Variants in SLC4A1AP observed in about 807,000 individuals in gnomAD.
SLC4A1AP encodes the protein kanadaptin.
SLC4A1AP carries 64 observed loss-of-function variants against 89.7 expected under a neutral mutation model. The observed-to-expected ratio is 0.71, with a 90% CI of 0.58 to 0.88. SLC4A1AP has a LOEUF of 0.88. Among genes scored for constraint, SLC4A1AP ranks in the 40% least tolerant of loss-of-function variants. SLC4A1AP has a pLI of 0.00. For synonymous variants in SLC4A1AP, 366 were observed against 353.3 expected (o/e 1.04, Z -0.40); for missense variants, 931 against 965.0 (o/e 0.96, Z 0.47).
intron 4 of SLC4A1AP, 38 bp from the exon 5 acceptor site, chr2:27,669,210 C>G (rs1675381502): frequency 1.3e-6 from 2 of 1,568,032 alleles, no homozygotes; most frequent in African/African-American, 1.4e-5. Flanking sequence ...AGAATTGGAG[C>G]TTAATGCTGT....
In SLC4A1AP at chr2:27,693,869, G is replaced by A. The variant is rs1675830471; in HGVS notation, c.2341+115G>A. On this transcript the variant is annotated intron_variant, in intron 13 of 13. Transcript: ENST00000613058. ...TTACAAGAGTATGTAGTGATAATTT[G>A]TATACCATGTTTGGATCCTTATTCA... 3 of 676,984 alleles carry A rather than the reference G, an allele frequency of 4.4e-6. No individual in the cohort carries two copies. The East Asian group carries it at 9.3e-5, about 21-fold the overall frequency. The allele number at this position is 676,984 out of a possible 1,614,324, so 41.9% of individuals were successfully genotyped here. A position where few individuals can be genotyped will look rare whatever the true frequency, so the allele number is the denominator to read the frequency against.
At chr2:27,688,642 C>A in intron 11 of SLC4A1AP, 58 bp from the exon 12 acceptor site, 1 of 1,170,412 alleles carries the variant, frequency 8.5e-7, no homozygotes, top group Non-Finnish European at 1.2e-6. Context: ...AAGAATTTTG[C>A]CTTTTTATTT....
intron 9 of SLC4A1AP, 70 bp from the exon 10 acceptor site, chr2:27,684,964 ACCT>A: frequency 6.7e-7 from 1 of 1,495,394 alleles, no homozygotes; most frequent in South Asian, 1.4e-5. Flanking sequence ...ATTTAGACTG[ACCT>A]CCTTGAAAAG....
At chr2:27,694,295 C>G (rs1322076422) in intron 13 of SLC4A1AP, among the ~76,000 whole-genome samples, 1 of 152,098 alleles carries the variant, frequency 6.6e-6, no homozygotes, top group Non-Finnish European at 1.5e-5. Context: ...AAATTGCATT[C>G]TATAGAGATT....
chr2:27,676,395 C>A (rs1476108765), intron 6 of SLC4A1AP, among the ~76,000 whole-genome samples: 3 of 152,202 alleles, frequency 2.0e-5, no homozygotes, highest in African/African-American at 7.2e-5. Flanking sequence ...CAACATCTAT[C>A]CTTTTGATTT....
exon 13 of SLC4A1AP, chr2:27,693,722 A>G: frequency 2.5e-6 from 4 of 1,612,484 alleles, no homozygotes; most frequent in Non-Finnish European, 3.4e-6. Context: ...CCTGAAGATG[A>G]CCCAGACTAC....
intron 2 of SLC4A1AP, 21 bp downstream of exon 2, chr2:27,665,316 C>A: frequency 6.4e-7 from 1 of 1,566,276 alleles, no homozygotes; most frequent in Non-Finnish European, 8.6e-7. Flanking sequence ...AAAATTGCTG[C>A]CGGAGGTTAA....
intron 10 of SLC4A1AP, among the ~76,000 whole-genome samples, 187 bp from the exon 11 acceptor site, chr2:27,687,747 A>G (rs77817956): frequency 1.2e-3 from 176 of 152,288 alleles, no homozygotes; most frequent in African/African-American, 4.0e-3. Context: ...TTAAGTGGAA[A>G]ATTGGCAGTT....
intron 5 of SLC4A1AP, among the ~76,000 whole-genome samples, chr2:27,669,717 G>A (rs1558505756): frequency 6.6e-6 from 1 of 152,192 alleles, no homozygotes; most frequent in African/African-American, 2.4e-5. Context: ...TTGAGATGGA[G>A]TCTCACTCTG....
At chr2:27,673,723 A>T (rs1410479983) in intron 5 of SLC4A1AP, among the ~76,000 whole-genome samples, 3 of 152,028 alleles carry the variant, frequency 2.0e-5, no homozygotes, top group African/African-American at 7.2e-5. Flanking sequence ...GGATTTAGGG[A>T]AAGAGGGAAA....
intron 5 of SLC4A1AP, among the ~76,000 whole-genome samples, chr2:27,673,434 CCCTCCCTCCCTTCCTT>C (rs1675462614): frequency 1.0e-5 from 1 of 97,882 alleles, no homozygotes; most frequent in African/African-American, 4.1e-5. Flanking sequence ...CTCCCTCCCT[CCCTCCCTCCCTTCCTT>C]CCTTCCTTCC....
intron 9 of SLC4A1AP, 134 bp downstream of exon 9, chr2:27,682,493 C>A: frequency 5.9e-6 from 3 of 512,030 alleles, no homozygotes; most frequent in Non-Finnish European, 1.0e-5. Flanking sequence ...TTGGTATGAT[C>A]ACATCTTTCC....
At chr2:27,682,521 ATTCTTTTT>A (rs1675636137) in intron 9 of SLC4A1AP, among the ~76,000 whole-genome samples, 162 bp downstream of exon 9, 1 of 139,086 alleles carries the variant, frequency 7.2e-6, no homozygotes, top group Non-Finnish European at 1.6e-5. Context: ...TGGTTCTTGG[ATTCTTTTT>A]TTTTTTTTTT....
At chr2:27,669,431 A>T in intron 5 of SLC4A1AP, 44 bp downstream of exon 5, 1 of 1,462,364 alleles carries the variant, frequency 6.8e-7, no homozygotes, top group Non-Finnish European at 9.1e-7. Context: ...AAAAAAAGGA[A>T]AACTCAACAC....
At chr2:27,664,104 A>G in exon 1 of SLC4A1AP, 5 of 1,614,162 alleles carry the variant, frequency 3.1e-6, no homozygotes, top group Non-Finnish European at 4.2e-6. Flanking sequence ...GGAGCCCGAC[A>G]TCCCTCCTCC....
chr2:27,678,366 C>T (rs1189141955), intron 8 of SLC4A1AP, among the ~76,000 whole-genome samples: 1 of 151,952 alleles, frequency 6.6e-6, no homozygotes, highest in Admixed American at 6.6e-5. Flanking sequence ...AACCCTATCT[C>T]TACAAAAAAT....
chr2:27,684,540 A>G (rs1675673682), intron 9 of SLC4A1AP, among the ~76,000 whole-genome samples: 1 of 152,066 alleles, frequency 6.6e-6, no homozygotes, highest in African/African-American at 2.4e-5. Flanking sequence ...TTTGATTAGA[A>G]TATTTAGCTT....
At chr2:27,688,754 C>T in exon 12 of SLC4A1AP, 1 of 1,603,508 alleles carries the variant, frequency 6.2e-7, no homozygotes, top group South Asian at 1.1e-5. Context: ...AAGAAAACAC[C>T]TGGTCCAGGC....
In SLC4A1AP at chr2:27,664,080, G is replaced by A. The variant is rs370155572; in HGVS notation, c.328G>A (p.Asp110Asn). 19 of 1,614,072 alleles carry A rather than the reference G, an allele frequency of 1.2e-5. No homozygotes were observed. In the South Asian group the frequency reaches 1.3e-4, roughly 11 times the overall value. Residue 110 changes from aspartate (D) to asparagine (N), a missense_variant, in exon 1 of 14, where the codon GAC becomes AAC. Transcript: ENST00000613058. ...GAAGGAAGGGCCCACTGCGTTGCAG[G>A]ACTCCAATTCTGGGGAGCCCGACAT...
Sources: allele counts gnomAD v4.1 joint callset (sites outside exome capture counted in the v4.1 genomes callset), GRCh38; gene constraint gnomAD v4.1.1; transcripts MANE v1.5; gene names NCBI Gene and HGNC (gene_info 2026-07-23, HGNC 2026-07-21).